NT5C3B: variants seen among roughly 807,000 people sequenced by gnomAD.
NT5C3B encodes 7-methylguanosine phosphate-specific 5'-nucleotidase.
In NT5C3B, 28 loss-of-function variants were observed where a neutral mutation model predicts 32.5. That is an observed-to-expected ratio of 0.86 (90% CI 0.64 to 1.18). The LOEUF (loss-of-function observed/expected upper bound fraction) is 1.18. NT5C3B is among the 50% of genes most tolerant of loss of function. The probability of loss-of-function intolerance (pLI) is 0.00; values close to 1 mark genes in which losing one functional copy is unlikely to be tolerated. For missense variants in NT5C3B, 317 were observed against 322.0 expected (o/e 0.98, Z 0.12); for synonymous variants, 138 against 118.0 (o/e 1.17, Z -1.10).
chr17:41,827,754 G>A (rs1291965853), intron 7 of NT5C3B, 128 bp from the exon 8 acceptor site: 1 of 640,236 alleles, frequency 1.6e-6, no homozygotes, highest in Non-Finnish European at 2.8e-6. Flanking sequence ...CTTCACTGTA[G>A]CCTAAACTAC....
chr17:41,835,972 G>C lies in NT5C3B; in HGVS notation c.13-15C>G, dbSNP rs782010053. The C allele has an allele frequency of 6.4e-7, 1 of 1,566,514 alleles. No individual in the cohort carries two copies. The highest frequency in any genetic ancestry group is 1.9e-5 in the Admixed American group (1 of 53,398). On this transcript the variant is annotated splice_polypyrimidine_tract_variant and intron_variant, in intron 1 of 8. Coordinates refer to ENST00000435506, the MANE Select transcript of NT5C3B (RefSeq NM_052935.5). Reference sequence around the variant, plus strand: ...AGGGTGCTCACCTGTCCCGAGACCCGAGAGAACCACTGACCCCTGCGCCAC... The same window carrying C: ...AGGGTGCTCACCTGTCCCGAGACCCCAGAGAACCACTGACCCCTGCGCCAC...
intron 5 of NT5C3B, 69 bp downstream of exon 5, chr17:41,832,322 GA>G: frequency 7.5e-7 from 1 of 1,342,192 alleles, no homozygotes; most frequent in Non-Finnish European, 1.1e-6. Flanking sequence ...CAAGGGTCTG[GA>G]AAAATATGCC....
chr17:41,833,555 C>T (rs1483174632), intron 4 of NT5C3B, among the ~76,000 whole-genome samples: 2 of 152,090 alleles, frequency 1.3e-5, no homozygotes, highest in African/African-American at 2.4e-5. Flanking sequence ...TGACCTCAAC[C>T]GATCTGCCCG....
chr17:41,832,390 A>G lies in NT5C3B; in HGVS notation c.314+2T>C. 1 of 1,612,874 alleles carries G rather than the reference A, an allele frequency of 6.2e-7. No homozygotes were observed. The highest frequency in any genetic ancestry group is 8.5e-7 in the Non-Finnish European group (1 of 1,179,254). ...AAGCTTTTCTCCACCACCATCACTC[A>G]CCATTCCACCATATGAGGTAGCTTC... On this transcript the variant is annotated splice_donor_variant, in intron 5 of 8. Coordinates refer to ENST00000435506, the MANE Select transcript of NT5C3B (RefSeq NM_052935.5). LOFTEE classifies it high-confidence loss of function.
chr17:41,833,545 TGACCTCAACC>T (rs1235535889), intron 4 of NT5C3B, among the ~76,000 whole-genome samples: 1 of 152,158 alleles, frequency 6.6e-6, no homozygotes, highest in African/African-American at 2.4e-5. Flanking sequence ...CTCGATCTCC[TGACCTCAACC>T]GATCTGCCCG....
In NT5C3B at chr17:41,827,761, C is replaced by T. The variant is rs1336695107; in HGVS notation, c.568-135G>A. 3 of 630,278 alleles carry T rather than the reference C, an allele frequency of 4.8e-6. No homozygotes were observed. In the Admixed American group the frequency reaches 8.8e-5, roughly 19 times the overall value. The allele number at this position is 630,278 out of a possible 1,614,324, so 39.0% of individuals were successfully genotyped here. On this transcript the variant is annotated intron_variant, in intron 7 of 8. Transcript: ENST00000435506. ...TGCCAAAACTTCACTGTAGCCTAAACTACGGCCCATGGGCCAGACTTGGCC... is the reference window on the plus strand; with the variant it reads ...TGCCAAAACTTCACTGTAGCCTAAATTACGGCCCATGGGCCAGACTTGGCC...
intron 4 of NT5C3B, 120 bp downstream of exon 4, chr17:41,834,950 C>A: frequency 9.9e-7 from 1 of 1,012,354 alleles, no homozygotes; most frequent in East Asian, 2.4e-5. Context: ...CTTAGCAAAA[C>A]AACAAGTTTT....
rs782745126 is a variant in NT5C3B at position 41,835,902 on chromosome 17, T to G, written c.68A>C (p.Glu23Ala). The change falls in exon 2 of 9, where the codon GAG becomes GCG. Residue 23 changes from glutamate (E) to alanine (A), a missense_variant. Physicochemically the swap from Glu to Ala is moderately radical, Grantham distance 107 (BLOSUM62 -1). Transcript: ENST00000435506. ...GCCCTTGCGGAGGGCGCCCACGATC[T>G]CCTGCACCCGCCCAGGCTGCCGCAT... ...VLMRQPGRVQ[E>A]IVGALRKGGG... 5.0e-6 allele frequency: 8 copies of G among 1,609,014 alleles called. No individual in the cohort carries two copies. The highest frequency in any genetic ancestry group is 5.9e-6 in the Non-Finnish European group (7 of 1,178,588).
chr17:41,835,798 T>A (rs1160929021), intron 2 of NT5C3B, 61 bp downstream of exon 2: 1 of 1,467,154 alleles, frequency 6.8e-7, no homozygotes, highest in East Asian at 2.4e-5. Flanking sequence ...GAAGGCCCAA[T>A]GGGCAGGAAG....
At chr17:41,833,407 C>T (rs1414297964) in intron 4 of NT5C3B, among the ~76,000 whole-genome samples, 2 of 152,066 alleles carry the variant, frequency 1.3e-5, no homozygotes, top group Admixed American at 6.6e-5. Flanking sequence ...ACCTCCGCCT[C>T]CCGGGTTCGA....
chr17:41,835,315 T>C (rs782599636), intron 2 of NT5C3B, 43 bp from the exon 3 acceptor site: 2 of 1,534,186 alleles, frequency 1.3e-6, no homozygotes, highest in South Asian at 1.1e-5. Flanking sequence ...GGCACCAGAA[T>C]TCTAGTGTGG....
At chr17:41,827,804 T>C (rs563606925) in intron 7 of NT5C3B, among the ~76,000 whole-genome samples, 178 bp from the exon 8 acceptor site, 1 of 152,358 alleles carries the variant, frequency 6.6e-6, no homozygotes, top group East Asian at 1.9e-4. Context: ...GTAAATAAAG[T>C]TGTATTGGGA....
At chr17:41,829,448 G>T (rs575723036) in intron 6 of NT5C3B, among the ~76,000 whole-genome samples, 12 of 152,280 alleles carry the variant, frequency 7.9e-5, no homozygotes, top group Non-Finnish European at 1.8e-4. Context: ...AGTTAATTTT[G>T]ACATATGTAT....
rs782137800 is a variant in NT5C3B at position 41,832,468 on chromosome 17, G to A, written c.238C>T (p.Leu80Phe). Residue 80 changes from leucine (L) to phenylalanine (F), a missense_variant, in exon 5 of 9, where the codon CTC becomes TTC. Leu to Phe is a conservative substitution (Grantham distance 22). Coordinates refer to ENST00000435506, the MANE Select transcript of NT5C3B (RefSeq NM_052935.5). Reference sequence around the variant, plus strand: ...TCAATTGGGTAATAGTGGTGAAGGAGCGCTGTGAGCTGGGATATCCAAATG... The same window carrying A: ...TCAATTGGGTAATAGTGGTGAAGGAACGCTGTGAGCTGGGATATCCAAATG... ...SEECRKELTA[L>F]LHHYYPIEID... 1.2e-6 allele frequency: 2 copies of A among 1,613,564 alleles called. No homozygotes were observed. Among genetic ancestry groups the A allele is most frequent in the Non-Finnish European group, 1.7e-6 (2 of 1,179,626 alleles).
intron 2 of NT5C3B, 114 bp from the exon 3 acceptor site, chr17:41,835,386 G>T: frequency 1.1e-6 from 1 of 870,560 alleles, no homozygotes. Context: ...CAGGATGTAG[G>T]CAAAGCCCTA....
intron 6 of NT5C3B, 33 bp from the exon 7 acceptor site, chr17:41,828,985 C>A: frequency 6.4e-7 from 1 of 1,573,960 alleles, no homozygotes; most frequent in Non-Finnish European, 8.7e-7. Flanking sequence ...TGAAATGGCA[C>A]TGCCTCTACT....
At chr17:41,829,649 G>C (rs781843688) in intron 6 of NT5C3B, among the ~76,000 whole-genome samples, 4 of 152,156 alleles carry the variant, frequency 2.6e-5, no homozygotes, top group Non-Finnish European at 5.9e-5. Context: ...CATGTAATGA[G>C]TTTATCCTTT....
At chr17:41,834,800 G>T (rs185235605) in intron 4 of NT5C3B, among the ~76,000 whole-genome samples, 24 of 152,258 alleles carry the variant, frequency 1.6e-4, no homozygotes, top group Admixed American at 5.2e-4. Context: ...CCCTGGGTAA[G>T]TTGCTGAACC....
Position 41,827,473 on chromosome 17 carries a change from C to G in NT5C3B, c.721G>C (p.Val241Leu), listed in dbSNP as rs1318334108. Reference sequence around the variant, plus strand: ...TTGAGAATGTTCTGCACACCAGGAACCCCATCGGCCATGGTGAGGTCCCCG... The same window carrying G: ...TTGAGAATGTTCTGCACACCAGGAAGCCCATCGGCCATGGTGAGGTCCCCG... ...SIGDLTMADG[V>L]PGVQNILKIG... Residue 241 changes from valine (V) to leucine (L), a missense_variant, in exon 8 of 9, where the codon GTT becomes CTT. Physicochemically the swap from Val to Leu is conservative, Grantham distance 32. Coordinates refer to ENST00000435506, the MANE Select transcript of NT5C3B (RefSeq NM_052935.5). 1.1e-6 allele frequency: 1 copy of G among 872,864 alleles called. No individual in the cohort carries two copies. Among genetic ancestry groups the G allele is most frequent in the African/African-American group, 1.6e-5 (1 of 61,322 alleles). The allele number at this position is 872,864 out of a possible 1,614,324, so 54.1% of individuals were successfully genotyped here.
Sources: allele counts gnomAD v4.1 joint callset (sites outside exome capture counted in the v4.1 genomes callset), GRCh38; gene constraint gnomAD v4.1.1; transcripts MANE v1.5; gene names NCBI Gene and HGNC (gene_info 2026-07-23, HGNC 2026-07-21).